The following PAX3 variants were observed in gnomAD, a reference collection of about 807,000 sequenced individuals.
PAX3 encodes paired box 3.
PAX3 carries 14 observed loss-of-function variants against 51.6 expected under a neutral mutation model. The observed-to-expected ratio is 0.27, with a 90% CI of 0.18 to 0.42. The LOEUF (loss-of-function observed/expected upper bound fraction) is 0.42. PAX3 is among the 10% of genes least tolerant of loss of function. PAX3 has a pLI of 1.00. For missense variants in PAX3, 540 were observed against 642.8 expected (o/e 0.84, Z 1.73); for synonymous variants, 280 against 253.4 (o/e 1.11, Z -1.00).
chr2:222,225,506 T>A (rs546569222), intron 5 of PAX3, among the ~76,000 whole-genome samples: 2 of 152,230 alleles, frequency 1.3e-5, no homozygotes, highest in South Asian at 4.1e-4. Flanking sequence ...AGTTGGCGGG[T>A]GGCGGGGAAA....
chr2:222,293,805 T>C (rs1032868728), intron 4 of PAX3: 8 of 1,614,100 alleles, frequency 5.0e-6, no homozygotes, highest in Non-Finnish European at 6.8e-6. Flanking sequence ...AAGTACCCTC[T>C]ATCCCCGGCC....
intron 7 of PAX3, among the ~76,000 whole-genome samples, chr2:222,211,412 T>G (rs1417699961): frequency 6.6e-6 from 1 of 152,188 alleles, no homozygotes. Flanking sequence ...ATACCCACAC[T>G]GCAATCACTT....
intron 4 of PAX3, among the ~76,000 whole-genome samples, chr2:222,290,867 A>G (rs1468355656): frequency 6.6e-6 from 1 of 151,988 alleles, no homozygotes; most frequent in Non-Finnish European, 1.5e-5. Flanking sequence ...TCTTTAAAAT[A>G]AGAAAAAAAT....
intron 7 of PAX3, among the ~76,000 whole-genome samples, chr2:222,203,020 T>C (rs1209871746): frequency 1.1e-5 from 1 of 89,422 alleles, no homozygotes; most frequent in Non-Finnish European, 2.1e-5. Context: ...TTCATATATA[T>C]ATATATATAT....
chr2:222,201,920 C>T (rs1574619106), intron 8 of PAX3, 24 bp downstream of exon 8: 2 of 1,613,974 alleles, frequency 1.2e-6, no homozygotes, highest in East Asian at 2.2e-5. Flanking sequence ...GGAGAAATTG[C>T]CCCCTAAAAA....
chr2:222,250,259 C>T (rs1280620308), intron 4 of PAX3, among the ~76,000 whole-genome samples: 1 of 152,124 alleles, frequency 6.6e-6, no homozygotes, highest in Non-Finnish European at 1.5e-5. Context: ...ATATGTATTA[C>T]TTTTGTGCAA....
At chr2:222,201,632 G>T in intron 8 of PAX3, 190 bp from the exon 9 acceptor site, 1 of 1,310,700 alleles carries the variant, frequency 7.6e-7, no homozygotes. Flanking sequence ...TGATCCTGGA[G>T]CTGACCTCAT....
chr2:222,266,813 T>C (rs909211465), intron 4 of PAX3, among the ~76,000 whole-genome samples: 6 of 152,140 alleles, frequency 3.9e-5, no homozygotes, highest in African/African-American at 9.7e-5. Flanking sequence ...ATCCCAAATA[T>C]CATACAGATC....
At chr2:222,232,970 T>C (rs1158037672) in intron 4 of PAX3, 1 of 150,458 alleles carries the variant, frequency 6.6e-6, no homozygotes, top group African/African-American at 2.5e-5. Flanking sequence ...AGAACTGACC[T>C]GAGAAGAAGC....
At chr2:222,260,699 C>A (rs1484652157) in intron 4 of PAX3, among the ~76,000 whole-genome samples, 1 of 146,984 alleles carries the variant, frequency 6.8e-6, no homozygotes, top group Non-Finnish European at 1.5e-5. Context: ...TCAAGCAATT[C>A]TCCTCCTCAG....
At chr2:222,274,854 AATTC>A (rs1694364509) in intron 4 of PAX3, among the ~76,000 whole-genome samples, 1 of 152,200 alleles carries the variant, frequency 6.6e-6, no homozygotes, top group African/African-American at 2.4e-5. Context: ...ATATTAAACA[AATTC>A]ACGCCATATC....
At chr2:222,296,124 T>C (rs1695281164) in intron 2 of PAX3, among the ~76,000 whole-genome samples, 2 of 152,358 alleles carry the variant, frequency 1.3e-5, no homozygotes, top group Middle Eastern at 3.4e-3. Context: ...GGTATGTATT[T>C]GGGTTTTTAA....
intron 3 of PAX3, among the ~76,000 whole-genome samples, chr2:222,294,984 T>C (rs1249386106): frequency 6.6e-6 from 1 of 152,060 alleles, no homozygotes; most frequent in Non-Finnish European, 1.5e-5. Context: ...GGGAGTTTCC[T>C]TTTAATTAAA....
At chr2:222,202,359 T>A (rs151080004) in intron 7 of PAX3, among the ~76,000 whole-genome samples, 169 bp from the exon 8 acceptor site, 1 of 151,608 alleles carries the variant, frequency 6.6e-6, no homozygotes, top group African/African-American at 2.4e-5. Flanking sequence ...TATTACATCA[T>A]GCCCGACGAT....
chr2:222,213,545 G>T (rs2106056871), intron 7 of PAX3, among the ~76,000 whole-genome samples: 1 of 152,240 alleles, frequency 6.6e-6, no homozygotes, highest in African/African-American at 2.4e-5. Context: ...CACACAAACT[G>T]CTTTAGAAAA....
At chr2:222,255,917 A>ATTTTTTTTTTT (rs57757180) in intron 4 of PAX3, among the ~76,000 whole-genome samples, 1,141 of 98,218 alleles carry the variant, frequency 0.012, 1 homozygote, top group Middle Eastern at 0.024. Context: ...CGCCCAGCTA[A>ATTTTTTTTTTT]TTTTTTTTTT....
In PAX3 at chr2:222,201,126, G is replaced by A. The variant is rs779711112; in HGVS notation, c.*282C>T. 8 of 1,598,386 alleles carry A rather than the reference G, an allele frequency of 5.0e-6. No homozygotes were observed. The highest frequency in any genetic ancestry group is 6.0e-6 in the Non-Finnish European group (7 of 1,166,412). Reference sequence around the variant, plus strand: ...CAGCACTAAAGAATTGGGATGTTTTGATATGTAACCATGTGAAACCATTGC... The same window carrying A: ...CAGCACTAAAGAATTGGGATGTTTTAATATGTAACCATGTGAAACCATTGC... On this transcript the variant is annotated 3_prime_UTR_variant, in exon 9 of 9. Coordinates refer to ENST00000392070, the MANE Select transcript of PAX3 (RefSeq NM_181458.4).
chr2:222,287,353 A>G (rs1418345357), intron 4 of PAX3: 1 of 152,258 alleles, frequency 6.6e-6, no homozygotes, highest in Admixed American at 6.5e-5. Context: ...TTTGGTGTTT[A>G]TCTTCCAGAA....
chr2:222,215,388 T>C (rs1691912971), intron 7 of PAX3, among the ~76,000 whole-genome samples: 1 of 152,098 alleles, frequency 6.6e-6, no homozygotes, highest in African/African-American at 2.4e-5. Flanking sequence ...TACAAAACAA[T>C]AGAAAAGATT....
Sources: gnomAD v4.1 joint callset for allele counts (sites outside exome capture counted in the v4.1 genomes callset) on GRCh38, gnomAD v4.1.1 for gene constraint, MANE v1.5 for transcripts, NCBI Gene and HGNC (gene_info 2026-07-23, HGNC 2026-07-21) for gene names.